Variants in PIWIL4 observed in about 807,000 individuals in gnomAD.
The protein encoded by PIWIL4 is piwi like RNA-mediated gene silencing 4, also known as piwi-like protein 4.
PIWIL4 carries 50 observed loss-of-function variants against 100.9 expected under a neutral mutation model. The observed-to-expected ratio is 0.50, with a 90% CI of 0.39 to 0.63. PIWIL4 has a LOEUF of 0.63. Among genes scored for constraint, PIWIL4 ranks in the 20% least tolerant of loss-of-function variants. PIWIL4 has a pLI of 0.00. For missense variants in PIWIL4, 887 were observed against 1,043.3 expected, an observed-to-expected ratio of 0.85 and a Z score of 2.06; for synonymous variants, 342 against 367.5, an observed-to-expected ratio of 0.93 and a Z score of 0.79.
At chr11:94,594,161 T>C (rs1394763621) in intron 9 of PIWIL4, among the ~76,000 whole-genome samples, 1 of 152,134 alleles carries the variant, frequency 6.6e-6, no homozygotes, top group African/African-American at 2.4e-5. Context: ...ATATCTATTT[T>C]GCCATTAGAA....
intron 2 of PIWIL4, among the ~76,000 whole-genome samples, chr11:94,572,790 A>G (rs927834389): frequency 1.3e-5 from 2 of 152,190 alleles, no homozygotes; most frequent in African/African-American, 4.8e-5. Context: ...TTGGTTCCAT[A>G]TGAACTATAA....
chr11:94,617,210 A>G (rs1158669379), intron 16 of PIWIL4, among the ~76,000 whole-genome samples: 1 of 152,138 alleles, frequency 6.6e-6, no homozygotes, highest in African/African-American at 2.4e-5. Flanking sequence ...GGACTTATAT[A>G]TATGATTACC....
Position 94,577,363 on chromosome 11 carries a change from G to A in PIWIL4, c.384G>A (p.Val128=). 3 of 1,613,994 alleles carry A rather than the reference G, an allele frequency of 1.9e-6. No individual in the cohort carries two copies. Among genetic ancestry groups the A allele is most frequent in the Non-Finnish European group, 8.5e-7 (1 of 1,179,920 alleles). ...PQDWQLYQYH[V]TYIPDLASRR... ...ACTGGCAGCTATACCAGTACCATGTGACATATATTCCAGATTTAGCATCTA... is the reference window on the plus strand; with the variant it reads ...ACTGGCAGCTATACCAGTACCATGTAACATATATTCCAGATTTAGCATCTA... Residue 128 remains valine (V), a synonymous_variant, in exon 4 of 20, where the codon GTG becomes GTA. Coordinates refer to ENST00000299001, the MANE Select transcript of PIWIL4 (RefSeq NM_152431.3).
At chr11:94,599,622 C>T (rs1191662530) in intron 11 of PIWIL4, among the ~76,000 whole-genome samples, 1 of 152,136 alleles carries the variant, frequency 6.6e-6, no homozygotes, top group East Asian at 1.9e-4. Context: ...GCTCTCAGGC[C>T]GAGGTAGGTG....
intron 10 of PIWIL4, among the ~76,000 whole-genome samples, chr11:94,596,765 A>C (rs1948564602): frequency 6.6e-6 from 1 of 152,110 alleles, no homozygotes; most frequent in Admixed American, 6.5e-5. Context: ...CCATTTCCTG[A>C]CCAATGATGG....
intron 2 of PIWIL4, among the ~76,000 whole-genome samples, chr11:94,571,271 A>T (rs770143159): frequency 6.6e-6 from 1 of 151,998 alleles, no homozygotes; most frequent in Non-Finnish European, 1.5e-5. Context: ...TTTTTTATTT[A>T]AAAATTTTTT....
intron 16 of PIWIL4, 97 bp downstream of exon 16, chr11:94,616,660 T>C: frequency 1.1e-6 from 1 of 893,034 alleles, no homozygotes; most frequent in Non-Finnish European, 1.7e-6. Context: ...CAGAGCAAAC[T>C]CTCTACACCT....
At chr11:94,579,942 A>C (rs935998018) in intron 4 of PIWIL4, among the ~76,000 whole-genome samples, 2 of 152,190 alleles carry the variant, frequency 1.3e-5, no homozygotes, top group African/African-American at 2.4e-5. Flanking sequence ...AAATTATTAA[A>C]TACTACCCTT....
At chr11:94,586,988 T>G (rs1164231176) in intron 6 of PIWIL4, 62 bp from the exon 7 acceptor site, 2 of 1,351,638 alleles carry the variant, frequency 1.5e-6, no homozygotes, top group Non-Finnish European at 2.1e-6. Context: ...CATTTAAAAA[T>G]CTTTATTGTG....
At chr11:94,572,035 C>G (rs1009194506) in intron 2 of PIWIL4, among the ~76,000 whole-genome samples, 2 of 152,168 alleles carry the variant, frequency 1.3e-5, no homozygotes, top group African/African-American at 4.8e-5. Flanking sequence ...TCTCTGATGG[C>G]CAGTGATGAT....
chr11:94,587,150 G>A lies in PIWIL4; in HGVS notation c.817G>A (p.Val273Ile), dbSNP rs1948412869. ...VSYKVLRNETVLEFMTALCQR... is the reference protein window; with the variant it reads ...VSYKVLRNETILEFMTALCQR... ...TTACAAAGTCCTCCGGAATGAGACG[G>A]TTCTGGAATTCATGACTGCTCTCTG... is the stretch of plus-strand genomic sequence containing the variant. Residue 273 changes from valine to isoleucine, a missense_variant, in exon 7 of 20, where the codon GTT becomes ATT. This residue lies in a region of PIWIL4 where 741 missense variants were observed against 930.0 expected (regional missense o/e 0.80). Transcript: ENST00000299001. The A allele has an allele frequency of 4.3e-6, 7 of 1,613,964 alleles. No homozygotes were observed. The highest frequency in any genetic ancestry group is 1.3e-5 in the African/African-American group (1 of 74,916).
chr11:94,582,434 C>T (rs998516059), intron 4 of PIWIL4, among the ~76,000 whole-genome samples: 2 of 152,204 alleles, frequency 1.3e-5, no homozygotes, highest in African/African-American at 2.4e-5. Context: ...TGTTTCCATG[C>T]AGTGACTGGT....
intron 4 of PIWIL4, among the ~76,000 whole-genome samples, chr11:94,578,028 T>C (rs1426859170): frequency 1.3e-5 from 2 of 152,180 alleles, no homozygotes; most frequent in Non-Finnish European, 2.9e-5. Flanking sequence ...AAGCGGATGT[T>C]ACCATTCTTT....
intron 15 of PIWIL4, among the ~76,000 whole-genome samples, chr11:94,616,130 G>A (rs547922934): frequency 2.0e-5 from 3 of 152,120 alleles, no homozygotes; most frequent in Non-Finnish European, 4.4e-5. Context: ...CAAATATCAT[G>A]TGATTTAATT....
rs554134048 is a variant in PIWIL4 at position 94,618,151 on chromosome 11, T to C, written c.2168+44T>C. The stretch of plus-strand genomic sequence containing the variant: ...TTCCTCCATACTCCCAATTATAGCA[T>C]ATTCAGCTGTAGCTATTACACACAA... On this transcript the variant is annotated intron_variant, in intron 17 of 19. Coordinates refer to ENST00000299001, the MANE Select transcript of PIWIL4 (RefSeq NM_152431.3). 7.5e-5 allele frequency: 112 copies of C among 1,499,286 alleles called. No individual in the cohort carries two copies. The South Asian group carries it at 1.5e-3, about 20-fold the overall frequency. 92.9% of individuals were successfully genotyped at this position (1,499,286 alleles called of 1,614,324 possible).
chr11:94,606,050 G>A (rs1431421824), intron 13 of PIWIL4, among the ~76,000 whole-genome samples: 1 of 152,196 alleles, frequency 6.6e-6, no homozygotes, highest in Non-Finnish European at 1.5e-5. Context: ...AAGATTTGGG[G>A]CACTTGGTGT....
At chr11:94,604,860 TAGTG>T (rs1032035518) in intron 13 of PIWIL4, among the ~76,000 whole-genome samples, 13 of 152,220 alleles carry the variant, frequency 8.5e-5, no homozygotes, top group Non-Finnish European at 1.8e-4. Flanking sequence ...GCTTTTCTTT[TAGTG>T]AGTTTCTCTT....
chr11:94,576,629 G>A (rs1224944780), intron 3 of PIWIL4, among the ~76,000 whole-genome samples: 1 of 152,074 alleles, frequency 6.6e-6, no homozygotes, highest in Admixed American at 6.6e-5. Context: ...GTCTGTAAGG[G>A]GCTGGAAGTC....
At chr11:94,571,234 G>A (rs1481874244) in intron 2 of PIWIL4, among the ~76,000 whole-genome samples, 1 of 151,792 alleles carries the variant, frequency 6.6e-6, no homozygotes, top group Non-Finnish European at 1.5e-5. Context: ...TTTCACATCT[G>A]CCACACATTT....
Sources: allele counts gnomAD v4.1 joint callset (sites outside exome capture counted in the v4.1 genomes callset), GRCh38; gene constraint gnomAD v4.1.1; regional missense constraint gnomAD v4.1.1; transcripts MANE v1.5; gene names NCBI Gene and HGNC (gene_info 2026-07-23, HGNC 2026-07-21).